GRIPAP1: variants seen among roughly 807,000 people sequenced by gnomAD.
The protein encoded by GRIPAP1 is GRIP1-associated protein 1.
GRIPAP1 carries 14 observed loss-of-function variants against 84.1 expected under a neutral mutation model. The ratio of observed to expected loss-of-function variants is 0.17; its 90% CI spans 0.11 to 0.26. The LOEUF is 0.26. GRIPAP1 is among the 10% of genes least tolerant of loss of function. The pLI, the probability that GRIPAP1 is intolerant of heterozygous loss-of-function variation, is 1.00. For synonymous variants in GRIPAP1, 261 were observed against 256.8 expected (o/e 1.02, Z -0.15); for missense variants, 518 against 674.2 (o/e 0.77, Z 2.57).
chrX:48,985,718 T>A (rs2064483141), intron 13 of GRIPAP1, among the ~76,000 whole-genome samples: 1 of 111,122 alleles, frequency 9.0e-6, no homozygotes, highest in Non-Finnish European at 1.9e-5. Context: ...GCGAAATGAA[T>A]CTTATGTTGC....
intron 6 of GRIPAP1, among the ~76,000 whole-genome samples, chrX:48,992,489 T>C (rs2064525579): frequency 8.9e-6 from 1 of 112,243 alleles, no homozygotes; most frequent in South Asian, 3.7e-4. Flanking sequence ...CTGTTTACTA[T>C]TAAATTAGCC....
chrX:48,991,118 G>A lies in GRIPAP1; in HGVS notation c.458-8C>T, dbSNP rs782315302. 2 of 1,155,443 alleles carry A rather than the reference G, an allele frequency of 1.7e-6. No individual in the cohort carries two copies. The highest frequency in any genetic ancestry group is 3.6e-5 in the South Asian group (2 of 55,823). ...CATAGCGTTCCTGCAGGGCTGGTGA[G>A]TAGAACAGGGATATATGATGGATGA... On this transcript the variant is annotated splice_region_variant and splice_polypyrimidine_tract_variant and intron_variant, in intron 6 of 25. Transcript: ENST00000376423.
chrX:48,998,279 G>C, intron 3 of GRIPAP1, 99 bp from the exon 4 acceptor site: 1 of 560,116 alleles, frequency 1.8e-6, no homozygotes, highest in Non-Finnish European at 3.0e-6. Flanking sequence ...GGGAGGACAA[G>C]GATGACAGGG....
chrX:48,984,147 G>A (rs1185627233), intron 14 of GRIPAP1, among the ~76,000 whole-genome samples: 1 of 111,639 alleles, frequency 9.0e-6, no homozygotes, highest in Admixed American at 9.5e-5. Context: ...ATTTATTTCT[G>A]TATGTGGAAG....
intron 1 of GRIPAP1, 98 bp from the exon 2 acceptor site, chrX:48,999,602 C>T: frequency 7.3e-6 from 4 of 547,525 alleles, no homozygotes; most frequent in Non-Finnish European, 9.4e-6. Flanking sequence ...ACCTTACGCC[C>T]TCCATGTGCC....
rs372306235 is a variant in GRIPAP1, at chrX:48,981,835, G to A, written c.1637C>T (p.Ala546Val). 1 of 1,170,584 alleles carries A rather than the reference G, an allele frequency of 8.5e-7. No individual in the cohort carries two copies. Among genetic ancestry groups the A allele is most frequent in the South Asian group, 1.9e-5 (1 of 53,090 alleles). The change falls in exon 18 of 26, where the codon GCC becomes GTC. Residue 546 changes from alanine to valine, a missense_variant. Physicochemically the swap from Ala to Val is moderately conservative, Grantham distance 64. Coordinates refer to ENST00000376423, the MANE Select transcript of GRIPAP1 (RefSeq NM_020137.5). The part of the protein sequence containing the change: ...LQQQQQEQEE[A>V]LKQCREQHAA... Reference sequence around the variant, plus strand: ...GTGCTGCTCCCGACACTGCTTGAGGGCTTCCTCTTGTTCCTGCTGCTGCTG... The same window carrying A: ...GTGCTGCTCCCGACACTGCTTGAGGACTTCCTCTTGTTCCTGCTGCTGCTG...
At chrX:48,998,932 G>A in intron 3 of GRIPAP1, 2 of 294,833 alleles carry the variant, frequency 6.8e-6, no homozygotes, top group Non-Finnish European at 1.2e-5. Context: ...AGTAGAGGAT[G>A]GGAGGCAGAT....
intron 21 of GRIPAP1, among the ~76,000 whole-genome samples, chrX:48,980,404 A>T (rs1401821389): frequency 1.8e-5 from 2 of 110,694 alleles, no homozygotes; most frequent in Non-Finnish European, 3.8e-5. Context: ...GGAGTTTTAT[A>T]TCAGGGACCC....
Position 48,974,280 on chromosome X carries a change from C to T in GRIPAP1, c.2439G>A (p.Met813Ile). The stretch of plus-strand genomic sequence containing the variant: ...GCACAATTTCCTGGGACAGAACTTC[C>T]ATATCCTAAGAAACAAATGAACCAT... ...LTKNMHLHKD[M>I]EVLSQEIVRL... Residue 813 changes from methionine (M) to isoleucine (I), a missense_variant, in exon 26 of 26, where the codon ATG becomes ATA. Physicochemically the swap from Met to Ile is conservative, Grantham distance 10. This residue lies in a region of GRIPAP1 where 30 missense variants were observed against 23.8 expected (regional missense o/e 1.26). Coordinates refer to ENST00000376423, the MANE Select transcript of GRIPAP1 (RefSeq NM_020137.5). 1 of 1,190,902 alleles carries T rather than the reference C, an allele frequency of 8.4e-7. No homozygotes were observed. Among genetic ancestry groups the T allele is most frequent in the Non-Finnish European group, 1.1e-6 (1 of 876,955 alleles).
At chrX:48,997,015 G>A (rs1321284480) in intron 5 of GRIPAP1, among the ~76,000 whole-genome samples, 1 of 111,295 alleles carries the variant, frequency 9.0e-6, no homozygotes, top group African/African-American at 3.3e-5. Flanking sequence ...CAAATAAAAG[G>A]AGTGACTTGG....
rs2064498840 is a variant in GRIPAP1, at chrX:48,987,787, GCTC to G, written c.1036_1038del (p.Glu346del). Reference sequence around the variant, plus strand: ...AAGGGCCCCCAGGTGTTCTTTACCTGCTCCAGGGCAGCCAGGCTAGTCCTCAAG... The same window carrying G: ...AAGGGCCCCCAGGTGTTCTTTACCTGCAGGGCAGCCAGGCTAGTCCTCAAG... On this transcript the variant is annotated inframe_deletion, in exon 13 of 26. Transcript: ENST00000376423. The G allele has an allele frequency of 8.5e-7, 1 of 1,169,679 alleles. No individual in the cohort carries two copies. The highest frequency in any genetic ancestry group is 3.0e-5 in the East Asian group (1 of 33,450).
chrX:48,999,097 A>C, intron 3 of GRIPAP1, 141 bp downstream of exon 3: 1 of 403,653 alleles, frequency 2.5e-6, no homozygotes, highest in South Asian at 5.4e-5. Flanking sequence ...AATTCCATTG[A>C]GAATCCTTTA....
chrX:48,983,007 C>T lies in GRIPAP1; in HGVS notation c.1571G>A (p.Trp524Ter). The T allele has an allele frequency of 8.3e-7, 1 of 1,205,718 alleles. No homozygotes were observed. Among genetic ancestry groups the T allele is most frequent in the Non-Finnish European group, 1.1e-6 (1 of 889,571 alleles). ...QVHSMDGAKG[W>*]FERRLKEAEE... ...GGCTTCCTTCAAGCGCCGTTCAAAC[C>T]AGCCCTTGGCTCCATCCATGGAATG... Residue 524 changes from tryptophan (W) to a stop codon, truncating the protein, a stop_gained, in exon 17 of 26, where the codon TGG (tryptophan) becomes TAG (stop). Coordinates refer to ENST00000376423, the MANE Select transcript of GRIPAP1 (RefSeq NM_020137.5). LOFTEE classifies it high-confidence loss of function.
rs782705483 is a variant in GRIPAP1, at chrX:48,985,277, G to A, written c.1167C>T (p.Ser389=). Residue 389 remains serine (S), a synonymous_variant, in exon 14 of 26, where the codon TCC becomes TCT. Coordinates refer to ENST00000376423, the MANE Select transcript of GRIPAP1 (RefSeq NM_020137.5). ...GAGCCAAAGGTGTTACCTGGAGCTG[G>A]GAGTTGAGGTCATCTTTCTGTCCCA... is the stretch of plus-strand genomic sequence containing the variant. The part of the protein sequence containing the change: ...DLMGQKDDLN[S]QLQESLRANS... The A allele has an allele frequency of 1.3e-5, 16 of 1,208,229 alleles. No individual in the cohort carries two copies. The highest frequency in any genetic ancestry group is 2.3e-4 in the Middle Eastern group (1 of 4,289).
intron 13 of GRIPAP1, among the ~76,000 whole-genome samples, chrX:48,987,457 T>G (rs2064496549): frequency 1.0e-5 from 1 of 97,512 alleles, no homozygotes; most frequent in Non-Finnish European, 2.1e-5. Flanking sequence ...TTTTTTTTTT[T>G]TTTTTTTGAG....
Position 48,981,300 on chromosome X carries a change from C to T in GRIPAP1, c.1845G>A (p.Lys615=), listed in dbSNP as rs781804028. The T allele has an allele frequency of 1.7e-6, 2 of 1,209,082 alleles. No individual in the cohort carries two copies. Among genetic ancestry groups the T allele is most frequent in the Non-Finnish European group, 2.2e-6 (2 of 893,735 alleles). The part of the protein sequence containing the change: ...KKGSAALKDL[K]RQLHLERKRA... ...GTTTCCGCTCCAAATGCAGCTGCCG[C>T]TTGAGGTCCTTGAGCTGTGGGGGAC... The change falls in exon 21 of 26, where the codon AAG becomes AAA. Residue 615 remains lysine, a synonymous_variant. Transcript: ENST00000376423.
intron 6 of GRIPAP1, among the ~76,000 whole-genome samples, chrX:48,992,284 G>A (rs377100777): frequency 3.6e-5 from 4 of 112,629 alleles, no homozygotes; most frequent in African/African-American, 1.3e-4. Flanking sequence ...AGGATTACAG[G>A]TGTGAAACAC....
chrX:48,997,891 T>C, intron 4 of GRIPAP1: 1 of 347,377 alleles, frequency 2.9e-6, no homozygotes, highest in Non-Finnish European at 4.9e-6. Flanking sequence ...GGAAGAGAAA[T>C]GAGTCAGAGA....
At chrX:48,986,161 G>C (rs2064486213) in intron 13 of GRIPAP1, among the ~76,000 whole-genome samples, 1 of 103,793 alleles carries the variant, frequency 9.6e-6, no homozygotes, top group Non-Finnish European at 2.0e-5. Flanking sequence ...AGAATCGCTT[G>C]AACCTGGGAG....
Sources: gnomAD v4.1 joint callset for allele counts (sites outside exome capture counted in the v4.1 genomes callset) on GRCh38, gnomAD v4.1.1 for gene constraint, gnomAD v4.1.1 regional missense constraint, MANE v1.5 for transcripts, NCBI Gene and HGNC (gene_info 2026-07-23, HGNC 2026-07-21) for gene names.